DIAPH2: variants seen among roughly 807,000 people sequenced by gnomAD.
DIAPH2 encodes the protein diaphanous related formin 2, also known as protein diaphanous homolog 2.
Under a neutral mutation model 92.7 loss-of-function variants are expected in DIAPH2, and 35 were observed. The ratio of observed to expected loss-of-function variants is 0.38; its 90% confidence interval spans 0.29 to 0.50. DIAPH2 has a LOEUF of 0.50. Ranked by LOEUF, DIAPH2 falls within the 20% of genes least tolerant of loss-of-function variation. DIAPH2 has a pLI of 0.94. For synonymous variants in DIAPH2, 301 were observed against 280.4 expected, an observed-to-expected ratio of 1.07 and a Z score of -0.73; for missense variants, 701 against 819.5, an observed-to-expected ratio of 0.86 and a Z score of 1.77.
chrX:97,141,197 C>A (rs982234466), intron 21 of DIAPH2, among the ~76,000 whole-genome samples: 7 of 110,500 alleles, frequency 6.3e-5, no homozygotes, highest in African/African-American at 2.3e-4. Flanking sequence ...ATGGTCCATG[C>A]AAGTAGAGGA....
chrX:97,206,968 T>C (rs1433430577), intron 22 of DIAPH2, among the ~76,000 whole-genome samples: 2 of 111,409 alleles, frequency 1.8e-5, no homozygotes, highest in East Asian at 5.6e-4. Flanking sequence ...TTTCAAAAGA[T>C]GCTTTAAGTT....
intron 22 of DIAPH2, among the ~76,000 whole-genome samples, chrX:97,143,453 T>G (rs1296206560): frequency 9.1e-6 from 1 of 110,292 alleles, no homozygotes; most frequent in African/African-American, 3.3e-5. Context: ...GTCAATAATA[T>G]ATCTATATAT....
At chrX:97,144,787 C>T (rs183338150) in intron 22 of DIAPH2, among the ~76,000 whole-genome samples, 448 of 109,998 alleles carry the variant, frequency 4.1e-3, no homozygotes, top group Non-Finnish European at 7.0e-3. Flanking sequence ...TTTTTTGAGA[C>T]GAAGTCTTGC....
intron 21 of DIAPH2, among the ~76,000 whole-genome samples, 160 bp from the exon 22 acceptor site, chrX:97,141,505 T>G (rs1413604096): frequency 9.0e-6 from 1 of 111,532 alleles, no homozygotes; most frequent in Non-Finnish European, 1.9e-5. Flanking sequence ...AATATGGAGC[T>G]CCTTTTAAAA....
chrX:96,692,985 T>C (rs1164404378), intron 1 of DIAPH2, among the ~76,000 whole-genome samples: 3 of 111,916 alleles, frequency 2.7e-5, no homozygotes, highest in Non-Finnish European at 3.8e-5. Context: ...GTTATTCTTA[T>C]TGAGATGTTT....
At chrX:96,976,487 G>T (rs2065962830) in intron 17 of DIAPH2, among the ~76,000 whole-genome samples, 1 of 109,415 alleles carries the variant, frequency 9.1e-6, no homozygotes, top group Admixed American at 9.8e-5. Flanking sequence ...AATTGTTTTT[G>T]TATATCACTT....
rs1202003609 is a variant in DIAPH2, at chrX:96,854,715, AAG to A, written c.448-26859_448-26858del. On this transcript the variant is annotated intron_variant, in intron 4 of 26. Coordinates refer to ENST00000324765, the MANE Select transcript of DIAPH2 (RefSeq NM_006729.5). ...CTATACAGTGTGGATACACTGGACA[AAG>A]AGAGGATTTGTATGCCAGGTAAAAG... is the stretch of plus-strand genomic sequence containing the variant. Among the ~76,000 whole-genome samples, 87 of 99,269 alleles carry A rather than the reference AAG, an allele frequency of 8.8e-4. 1 individual carries two copies. The highest frequency in any genetic ancestry group is 3.1e-3 in the African/African-American group (84 of 27,473). The allele number at this position is 99,269 out of a possible 115,157, so 86.2% of individuals were successfully genotyped here.
At chrX:97,185,381 GTATA>G (rs1238589084) in intron 22 of DIAPH2, among the ~76,000 whole-genome samples, 1 of 27,900 alleles carries the variant, frequency 3.6e-5, no homozygotes, top group African/African-American at 2.6e-4. Flanking sequence ...ATATATATAT[GTATA>G]TATATATGTG....
chrX:97,217,802 T>G (rs879233239), intron 22 of DIAPH2, among the ~76,000 whole-genome samples: 1 of 109,755 alleles, frequency 9.1e-6, no homozygotes, highest in Non-Finnish European at 1.9e-5. Flanking sequence ...AAAAATTAGC[T>G]AGGCATGGTG....
chrX:97,484,792 G>A lies in DIAPH2; in HGVS notation c.3241+55047G>A, dbSNP rs149804450. ...CGTGCCTGTAGTCCCAGCTACTCAG[G>A]AGGCTGAGGCAGGAGAATCACTTGA... is the stretch of plus-strand genomic sequence containing the variant. On this transcript the variant is annotated intron_variant, in intron 26 of 26. Coordinates refer to ENST00000324765, the MANE Select transcript of DIAPH2 (RefSeq NM_006729.5). Among the ~76,000 whole-genome samples, 420 of 111,956 alleles carry A rather than the reference G, an allele frequency of 3.8e-3. 2 individuals are homozygous for A. Among genetic ancestry groups the A allele is most frequent in the African/African-American group, 0.013 (403 of 30,807 alleles).
At chrX:97,431,568 A>G (rs1474386478) in intron 26 of DIAPH2, 1 of 112,728 alleles carries the variant, frequency 8.9e-6, no homozygotes. Context: ...ATAATTTTAT[A>G]GTACTGATTC....
At chrX:96,820,690 C>A (rs1405850598) in intron 4 of DIAPH2, among the ~76,000 whole-genome samples, 1 of 111,746 alleles carries the variant, frequency 8.9e-6, no homozygotes, top group Non-Finnish European at 1.9e-5. Flanking sequence ...GTTCTGAATG[C>A]TGAAGATAGA....
chrX:96,962,488 C>CATAT (rs1386129164), intron 16 of DIAPH2, among the ~76,000 whole-genome samples: 3 of 27,029 alleles, frequency 1.1e-4, no homozygotes, highest in African/African-American at 4.2e-4. Flanking sequence ...TACACACACA[C>CATAT]ACACACACAT....
At chrX:97,545,410 C>T (rs1445880245) in intron 26 of DIAPH2, among the ~76,000 whole-genome samples, 1 of 107,678 alleles carries the variant, frequency 9.3e-6, no homozygotes, top group African/African-American at 3.4e-5. Flanking sequence ...TAATAAGAGG[C>T]AAAATAACTG....
At chrX:97,285,567 A>G (rs2068535384) in intron 23 of DIAPH2, among the ~76,000 whole-genome samples, 1 of 110,634 alleles carries the variant, frequency 9.0e-6, no homozygotes, top group Non-Finnish European at 1.9e-5. Context: ...CATAACCCGT[A>G]GACTAGGATC....
At chrX:97,261,047 A>C (rs1323312767) in intron 23 of DIAPH2, among the ~76,000 whole-genome samples, 1 of 112,824 alleles carries the variant, frequency 8.9e-6, no homozygotes, top group East Asian at 2.8e-4. Context: ...TAGGTGTTAA[A>C]ATGATGGCTT....
chrX:97,405,789 A>T (rs1179347951), intron 25 of DIAPH2, among the ~76,000 whole-genome samples: 1 of 111,547 alleles, frequency 9.0e-6, no homozygotes, highest in Non-Finnish European at 1.9e-5. Context: ...TGACAATGTA[A>T]TATGGTTCAA....
Position 96,827,679 on chromosome X carries a change from T to C in DIAPH2, c.448-53900T>C, listed in dbSNP as rs573931876. Among the ~76,000 whole-genome samples, 13 of 112,172 alleles carry C rather than the reference T, an allele frequency of 1.2e-4. No homozygotes were observed. The South Asian group carries it at 4.8e-3, about 42-fold the overall frequency. On this transcript the variant is annotated intron_variant, in intron 4 of 26. Coordinates refer to ENST00000324765, the MANE Select transcript of DIAPH2 (RefSeq NM_006729.5). ...TTTGTGTGGTTCATATCTATTGTTA[T>C]TTTCTGATTTGATTTAAATCTGAGA...
At chrX:97,318,585 C>T (rs1390899023) in intron 23 of DIAPH2, among the ~76,000 whole-genome samples, 3 of 100,716 alleles carry the variant, frequency 3.0e-5, no homozygotes, top group Admixed American at 1.1e-4. Flanking sequence ...CTCTGCCTCC[C>T]GGGTTCAAGC....
Sources: gnomAD v4.1 joint callset for allele counts (sites outside exome capture counted in the v4.1 genomes callset) on GRCh38, gnomAD v4.1.1 for gene constraint, MANE v1.5 for transcripts, NCBI Gene and HGNC (gene_info 2026-07-23, HGNC 2026-07-21) for gene names.